The following TSPAN1 variants were observed in gnomAD, a reference collection of about 807,000 sequenced individuals.
TSPAN1 encodes the protein tetraspanin 1.
A neutral mutation model predicts 26.9 loss-of-function variants in TSPAN1; 23 were observed. The ratio of observed to expected loss-of-function variants is 0.85; its 90% CI spans 0.62 to 1.21. The LOEUF is 1.21. Ranked by LOEUF, TSPAN1 falls within the 50% of genes most tolerant of loss-of-function variation. The pLI is 0.00. For missense variants in TSPAN1, 283 were observed against 298.4 expected (o/e 0.95, Z 0.38); for synonymous variants, 115 against 114.8 (o/e 1.00, Z -0.01).
intron 3 of TSPAN1, among the ~76,000 whole-genome samples, chr1:46,182,823 CTT>C (rs1417528612): frequency 6.6e-6 from 1 of 151,728 alleles, no homozygotes; most frequent in Non-Finnish European, 1.5e-5. Context: ...TTGTTTGTTT[CTT>C]TGAGACAGGA....
chr1:46,191,224 G>C, the TSPAN1 span: 1 of 280,324 alleles, frequency 3.6e-6, no homozygotes, highest in South Asian at 3.9e-5. Flanking sequence ...GAGAGGAATG[G>C]GGCTCGCGTA....
the TSPAN1 span, chr1:46,192,776 A>G: frequency 1.3e-6 from 2 of 1,582,672 alleles, no homozygotes; most frequent in Non-Finnish European, 1.7e-6. Context: ...CTGCCATCCT[A>G]CCTTTGCCCA....
chr1:46,194,876 C>T, the TSPAN1 span: 1 of 1,614,182 alleles, frequency 6.2e-7, no homozygotes, highest in Non-Finnish European at 8.5e-7. Context: ...CCATGTGTCC[C>T]TCCAGCCCAG....
downstream of TSPAN1, chr1:46,189,159 C>A: frequency 6.6e-7 from 1 of 1,508,904 alleles, no homozygotes; most frequent in South Asian, 1.4e-5. Flanking sequence ...ATGTTAAAAA[C>A]AAGGTAGCCC....
downstream of TSPAN1, chr1:46,189,422 G>A: frequency 5.6e-6 from 9 of 1,613,652 alleles, no homozygotes; most frequent in Non-Finnish European, 6.8e-6. Flanking sequence ...ATCTCACTAG[G>A]CCTCCTGTTT....
the TSPAN1 span, chr1:46,193,405 C>T: frequency 1.2e-6 from 2 of 1,609,756 alleles, no homozygotes; most frequent in Non-Finnish European, 8.5e-7. Flanking sequence ...GACATGGCCA[C>T]TGCTCACCAT....
chr1:46,192,890 C>T, the TSPAN1 span: 2 of 1,614,020 alleles, frequency 1.2e-6, no homozygotes, highest in African/African-American at 2.7e-5. Flanking sequence ...AACCTAGAGA[C>T]TCCCCTCACC....
chr1:46,181,024 G>A (rs1657303884), intron 2 of TSPAN1, 76 bp from the exon 3 acceptor site: 1 of 1,312,590 alleles, frequency 7.6e-7, no homozygotes, highest in Non-Finnish European at 1.1e-6. Flanking sequence ...ATATCTGGCT[G>A]AATATCTGAA....
At chr1:46,189,799 G>C, downstream of TSPAN1, 3 of 1,610,016 alleles carry the variant, frequency 1.9e-6, no homozygotes, top group South Asian at 2.2e-5. Flanking sequence ...GGATCTTGGG[G>C]CAGTATGTGT....
the TSPAN1 span, chr1:46,196,013 G>A: frequency 1.2e-5 from 20 of 1,613,934 alleles, no homozygotes; most frequent in South Asian, 4.4e-5. The surrounding 1 kb of genome is among the most constrained non-coding windows in gnomAD (Gnocchi z 4.4). Flanking sequence ...GAAACTCACC[G>A]TGGCCTGGTT....
intron 1 of TSPAN1, among the ~76,000 whole-genome samples, chr1:46,179,063 A>T (rs561208879): frequency 6.6e-6 from 1 of 152,222 alleles, no homozygotes; most frequent in East Asian, 1.9e-4. Flanking sequence ...ACAGTGGCTG[A>T]TGCCTGTAAT....
chr1:46,186,182 C>T (rs1657424121), downstream of TSPAN1, among the ~76,000 whole-genome samples: 1 of 152,150 alleles, frequency 6.6e-6, no homozygotes, highest in African/African-American at 2.4e-5. Context: ...GGCCAGTCTG[C>T]CTCCTTATAA....
chr1:46,182,869 C>T (rs565731714), intron 3 of TSPAN1, among the ~76,000 whole-genome samples: 2 of 152,184 alleles, frequency 1.3e-5, no homozygotes, highest in East Asian at 3.9e-4. Context: ...AGTGCAGTGG[C>T]ATGATCATGG....
Position 46,185,097 on chromosome 1 carries a change from T to C in TSPAN1, c.576T>C (p.Ala192=), listed in dbSNP as rs761103117. ...ATGAAACCTGCACCAAGCAAAAGGC[T>C]CACGACCAAAAAGTAGAGGTGTGGG... The part of the protein sequence containing the change: ...TANETCTKQK[A]HDQKVEGCFN... The change falls in exon 7 of 9, where the codon GCT becomes GCC. Residue 192 remains alanine (A), a synonymous_variant. Coordinates refer to ENST00000372003, the MANE Select transcript of TSPAN1 (RefSeq NM_005727.4). 25 of 1,613,978 alleles carry C rather than the reference T, an allele frequency of 1.5e-5. No individual in the cohort carries two copies. The highest frequency in any genetic ancestry group is 2.0e-5 in the Non-Finnish European group (24 of 1,180,032).
the TSPAN1 span, chr1:46,192,317 T>C: frequency 1.2e-6 from 2 of 1,614,136 alleles, no homozygotes; most frequent in Non-Finnish European, 1.7e-6. Flanking sequence ...CCTTTTCCGG[T>C]GTAGGCCACT....
At chr1:46,179,316 A>G (rs1657257132) in intron 1 of TSPAN1, among the ~76,000 whole-genome samples, 1 of 98,428 alleles carries the variant, frequency 1.0e-5, no homozygotes, top group African/African-American at 3.7e-5. Flanking sequence ...CTGTCTCAGA[A>G]AAAAAAAAAA....
rs1261811780 is a variant in TSPAN1 at position 46,185,678 on chromosome 1, G to A, written c.*145G>A. 1.0e-5 allele frequency: 9 copies of A among 891,514 alleles called. No homozygotes were observed. The highest frequency in any genetic ancestry group is 2.4e-5 in the East Asian group (1 of 41,362). 55.2% of individuals were successfully genotyped at this position (891,514 alleles called of 1,614,324 possible). A position where few individuals can be genotyped will look rare whatever the true frequency, so the allele number is the denominator to read the frequency against. On this transcript the variant is annotated 3_prime_UTR_variant, in exon 9 of 9. Transcript: ENST00000372003. ...CCTGCCCTTTCTGCTCCAGACTTGG[G>A]GCTAGATAGGGACCACTCCTTTTAG...
chr1:46,184,745 C>T, intron 5 of TSPAN1, 40 bp from the exon 6 acceptor site: 1 of 1,613,344 alleles, frequency 6.2e-7, no homozygotes, highest in Non-Finnish European at 8.5e-7. Flanking sequence ...GAATGGCCAC[C>T]TTCTGTACCA....
chr1:46,191,770 G>A, the TSPAN1 span: 2 of 357,482 alleles, frequency 5.6e-6, no homozygotes, highest in East Asian at 7.3e-5. Context: ...AAGTAGCTGG[G>A]ACTACAGGCG....
Sources: allele counts gnomAD v4.1 joint callset (sites outside exome capture counted in the v4.1 genomes callset), GRCh38; gene constraint gnomAD v4.1.1; non-coding constraint Gnocchi (gnomAD v3.1); transcripts MANE v1.5; gene names NCBI Gene and HGNC (gene_info 2026-07-23, HGNC 2026-07-21).